Variants in NEK1 observed in about 807,000 individuals in gnomAD.
The protein encoded by NEK1 is NIMA related kinase 1, also known as serine/threonine-protein kinase Nek1.
A neutral mutation model predicts 182.1 loss-of-function variants in NEK1; 137 were observed. The observed-to-expected ratio is 0.75, with a 90% confidence interval of 0.65 to 0.87. The LOEUF (loss-of-function observed/expected upper bound fraction) is 0.87. Ranked by LOEUF, NEK1 falls within the 40% of genes least tolerant of loss-of-function variation. The pLI, the probability that NEK1 is intolerant of heterozygous loss-of-function variation, is 0.00. For synonymous variants in NEK1, 513 were observed against 492.2 expected (o/e 1.04, Z -0.56); for missense variants, 1,391 against 1,494.4 (o/e 0.93, Z 1.14).
At position 169,561,203 on chromosome 4, in the gene NEK1, C is replaced by A. The variant is rs28446375; in HGVS notation, c.1266+277G>T. Among the ~76,000 whole-genome samples the A allele has an allele frequency of 0.015, 2,212 of 152,110 alleles. 46 individuals are homozygous for A. Among genetic ancestry groups the A allele is most frequent in the African/African-American group, 0.05 (2,063 of 41,460 alleles). On this transcript the variant is annotated intron_variant, in intron 16 of 35. Transcript: ENST00000507142. Reference sequence around the variant, plus strand: ...TTAGGCTGCAGTGTCATGAATTGTACATAATTTTTAAAAATTCCTGACAGG... The same window carrying A: ...TTAGGCTGCAGTGTCATGAATTGTAAATAATTTTTAAAAATTCCTGACAGG...
intron 8 of NEK1, among the ~76,000 whole-genome samples, chr4:169,588,275 CT>C (rs1767858288): frequency 6.6e-6 from 1 of 152,064 alleles, no homozygotes; most frequent in South Asian, 2.1e-4. Flanking sequence ...TGATTAATAC[CT>C]ACATCTCCCA....
intron 12 of NEK1, among the ~76,000 whole-genome samples, chr4:169,573,189 C>G (rs1366599846): frequency 6.6e-6 from 1 of 152,008 alleles, no homozygotes; most frequent in Admixed American, 6.6e-5. Flanking sequence ...CAAAGTAAAA[C>G]GAAGAAAGGT....
intron 19 of NEK1, 117 bp from the exon 20 acceptor site, chr4:169,508,969 G>A (rs893890185): frequency 4.2e-6 from 3 of 712,080 alleles, no homozygotes; most frequent in Non-Finnish European, 4.5e-6. Flanking sequence ...ATTTATTGAT[G>A]ATAAACTGTG....
intron 23 of NEK1, among the ~76,000 whole-genome samples, chr4:169,483,508 G>C (rs1580083170): frequency 6.6e-6 from 1 of 152,124 alleles, no homozygotes; most frequent in Admixed American, 6.5e-5. Context: ...TTCAAAAAAG[G>C]ATGGAAACAT....
In NEK1 at chr4:169,483,865, C is replaced by CAA. The variant is rs376726833; in HGVS notation, c.2008-4333_2008-4332dup. ...TGGGCGACAGAGTGAGACTCTGTCT[C>CAA]AAAAAAAAAAAAAAAAAAAGTTACT... is the stretch of plus-strand genomic sequence containing the variant. On this transcript the variant is annotated intron_variant, in intron 23 of 35. Transcript: ENST00000507142. Among the ~76,000 whole-genome samples, 651 of 116,596 alleles carry CAA rather than the reference C, an allele frequency of 5.6e-3. 19 individuals are homozygous for CAA. The highest frequency in any genetic ancestry group is 0.023 in the East Asian group (94 of 4,044). The allele number at this position is 116,596 out of a possible 152,430, so 76.5% of individuals were successfully genotyped here.
At chr4:169,519,915 C>G (rs200557621) in intron 19 of NEK1, among the ~76,000 whole-genome samples, 5,788 of 33,150 alleles carry the variant, frequency 0.17, 753 homozygotes, top group African/African-American at 0.34. Flanking sequence ...GGTAACCCGA[C>G]CTTTCTCTCT....
intron 12 of NEK1, among the ~76,000 whole-genome samples, chr4:169,576,016 T>C (rs1229164274): frequency 3.3e-5 from 5 of 151,922 alleles, no homozygotes; most frequent in Non-Finnish European, 7.4e-5. Context: ...CAGGCTGTAG[T>C]GCAGTGGCGC....
intron 31 of NEK1, among the ~76,000 whole-genome samples, chr4:169,412,671 T>C (rs1733867614): frequency 6.6e-6 from 1 of 152,172 alleles, no homozygotes; most frequent in African/African-American, 2.4e-5. Flanking sequence ...TAACCATGTA[T>C]TAGATGCTGA....
intron 5 of NEK1, among the ~76,000 whole-genome samples, chr4:169,597,450 CA>C (rs1175146808): frequency 7.5e-5 from 11 of 146,112 alleles, no homozygotes; most frequent in East Asian, 6.0e-4. Flanking sequence ...CTCATCTCTA[CA>C]AAAAAAAAAT....
At chr4:169,468,269 G>A (rs1375180280) in intron 26 of NEK1, among the ~76,000 whole-genome samples, 1 of 151,680 alleles carries the variant, frequency 6.6e-6, no homozygotes, top group Non-Finnish European at 1.5e-5. Flanking sequence ...TCTAGAACAG[G>A]AACATTTAAT....
intron 4 of NEK1, among the ~76,000 whole-genome samples, chr4:169,600,113 C>T (rs1301411194): frequency 1.3e-5 from 2 of 152,170 alleles, no homozygotes; most frequent in Admixed American, 1.3e-4. Flanking sequence ...TTCTGAATCA[C>T]TACATAGTAC....
chr4:169,456,651 G>A (rs1742942063), intron 27 of NEK1, among the ~76,000 whole-genome samples: 1 of 152,124 alleles, frequency 6.6e-6, no homozygotes, highest in Non-Finnish European at 1.5e-5. Context: ...ACTGTTTGGA[G>A]GTTCCTCCAG....
chr4:169,411,002 G>A (rs941953250), intron 31 of NEK1, among the ~76,000 whole-genome samples: 6 of 152,196 alleles, frequency 3.9e-5, no homozygotes, highest in African/African-American at 1.4e-4. Flanking sequence ...GTGTGTGCGT[G>A]CGTATCCTGT....
intron 24 of NEK1, among the ~76,000 whole-genome samples, chr4:169,478,778 C>G (rs1321033577): frequency 6.6e-6 from 1 of 152,118 alleles, no homozygotes; most frequent in Non-Finnish European, 1.5e-5. Flanking sequence ...TAGGCCGCAG[C>G]TCCACACTAT....
chr4:169,488,255 G>A (rs1042233820), intron 23 of NEK1, among the ~76,000 whole-genome samples: 6 of 152,082 alleles, frequency 3.9e-5, no homozygotes, highest in Non-Finnish European at 8.8e-5. Context: ...TTGTGCCTGT[G>A]TCCTGAACGA....
At chr4:169,401,940 G>T (rs1731763101) in intron 32 of NEK1, 80 bp from the exon 33 acceptor site, 3 of 1,202,134 alleles carry the variant, frequency 2.5e-6, no homozygotes, top group East Asian at 2.5e-5. Flanking sequence ...ACCTCATACT[G>T]AAATTTTACT....
intron 23 of NEK1, among the ~76,000 whole-genome samples, chr4:169,500,453 C>T (rs1402539249): frequency 6.6e-6 from 1 of 152,218 alleles, no homozygotes; most frequent in Non-Finnish European, 1.5e-5. Context: ...CCCAGTACCT[C>T]AGTTGGAAAT....
Position 169,537,896 on chromosome 4 carries a change from T to A in NEK1, c.1578A>T (p.Leu526=), listed in dbSNP as rs777252224. 1.9e-6 allele frequency: 3 copies of A among 1,602,410 alleles called. No homozygotes were observed. Among genetic ancestry groups the A allele is most frequent in the South Asian group, 2.3e-5 (2 of 88,448 alleles). Residue 526 remains leucine, a synonymous_variant, in exon 19 of 36, where the codon CTA becomes CTT. Coordinates refer to ENST00000507142, the MANE Select transcript of NEK1 (RefSeq NM_001199397.3). ...QANANRQKGQ[L]AVERAKQVEE... Reference sequence around the variant, plus strand: ...CTACTTGTTTAGCTCTTTCTACAGCTAGCTGCCCTTTTTGCCTAATTTGGA... The same window carrying A: ...CTACTTGTTTAGCTCTTTCTACAGCAAGCTGCCCTTTTTGCCTAATTTGGA...
chr4:169,509,462 T>C (rs1034193382), intron 19 of NEK1, among the ~76,000 whole-genome samples: 2 of 152,188 alleles, frequency 1.3e-5, no homozygotes, highest in African/African-American at 4.8e-5. Context: ...AAAAACTCTT[T>C]AGTCCCACTT....
Sources: allele counts gnomAD v4.1 joint callset (sites outside exome capture counted in the v4.1 genomes callset), GRCh38; gene constraint gnomAD v4.1.1; transcripts MANE v1.5; gene names NCBI Gene and HGNC (gene_info 2026-07-23, HGNC 2026-07-21).